DISC1: variants seen among roughly 807,000 people sequenced by gnomAD.
DISC1 encodes disrupted in schizophrenia 1 protein.
Under a neutral mutation model 84.5 loss-of-function variants are expected in DISC1, and 57 were observed. The observed-to-expected ratio is 0.67, with a 90% CI of 0.55 to 0.84. DISC1 has a LOEUF of 0.84. Ranked by LOEUF, DISC1 falls within the 40% of genes least tolerant of loss-of-function variation. DISC1 has a pLI of 0.00. For missense variants in DISC1, 1,000 were observed against 1,057.8 expected (o/e 0.95, Z 0.76); for synonymous variants, 411 against 415.2 (o/e 0.99, Z 0.12).
intron 9 of DISC1, among the ~76,000 whole-genome samples, chr1:231,891,963 G>A (rs2087262795): frequency 6.6e-6 from 1 of 152,080 alleles, no homozygotes; most frequent in Non-Finnish European, 1.5e-5. Context: ...TCCTGAGTCA[G>A]CCGATCAGGT....
intron 8 of DISC1, among the ~76,000 whole-genome samples, chr1:231,805,368 G>A (rs2079619728): frequency 6.6e-6 from 1 of 152,154 alleles, no homozygotes; most frequent in African/African-American, 2.4e-5. Flanking sequence ...TTATGATTCT[G>A]CAAATTGTAC....
At chr1:231,840,758 A>T (rs1338322955) in intron 9 of DISC1, among the ~76,000 whole-genome samples, 1 of 151,410 alleles carries the variant, frequency 6.6e-6, no homozygotes, top group African/African-American at 2.4e-5. Flanking sequence ...CCCAGGCTGG[A>T]GTGCAGTGGC....
chr1:231,670,436 A>G (rs2062498333), intron 1 of DISC1, among the ~76,000 whole-genome samples: 1 of 152,254 alleles, frequency 6.6e-6, no homozygotes, highest in Non-Finnish European at 1.5e-5. Context: ...TTGGGTTGAA[A>G]AGTCTGTGAG....
At chr1:232,027,793 C>CTGTGTG (rs35448234) in intron 12 of DISC1, among the ~76,000 whole-genome samples, 3,331 of 143,392 alleles carry the variant, frequency 0.023, 51 homozygotes, top group African/African-American at 0.029. Context: ...ACTTTATGGG[C>CTGTGTG]TGTGTGTGTG....
chr1:231,679,643 T>G (rs1372241455), intron 1 of DISC1, among the ~76,000 whole-genome samples: 1 of 152,242 alleles, frequency 6.6e-6, no homozygotes, highest in Non-Finnish European at 1.5e-5. Flanking sequence ...AAGATGATTC[T>G]GTAATGGAGA....
intron 10 of DISC1, among the ~76,000 whole-genome samples, chr1:231,980,693 TTTG>T (rs750663195): frequency 9.2e-4 from 140 of 152,342 alleles, no homozygotes; most frequent in Middle Eastern, 3.4e-3. Context: ...TTTCTAACTT[TTTG>T]TTATATGATA....
intron 10 of DISC1, among the ~76,000 whole-genome samples, chr1:231,960,897 C>T (rs935200341): frequency 2.1e-4 from 32 of 152,178 alleles, no homozygotes; most frequent in African/African-American, 7.0e-4. Context: ...TCCCATGATC[C>T]CCTCCTTGGG....
At chr1:231,966,637 T>C (rs1661154758) in intron 10 of DISC1, among the ~76,000 whole-genome samples, 1 of 152,274 alleles carries the variant, frequency 6.6e-6, no homozygotes, top group Non-Finnish European at 1.5e-5. Flanking sequence ...GCATGACTAA[T>C]GTGAACATTT....
At chr1:232,028,117 G>C (rs1669647985) in intron 12 of DISC1, among the ~76,000 whole-genome samples, 1 of 152,144 alleles carries the variant, frequency 6.6e-6, no homozygotes, top group South Asian at 2.1e-4. Flanking sequence ...TACAAACATA[G>C]AATAAGGATG....
At chr1:231,751,552 A>C (rs1301195840) in intron 4 of DISC1, among the ~76,000 whole-genome samples, 3 of 152,188 alleles carry the variant, frequency 2.0e-5, no homozygotes, top group African/African-American at 7.2e-5. Context: ...TTGTGCAATC[A>C]TCACCACCAT....
At chr1:231,722,229 A>G (rs1573242963) in intron 3 of DISC1, among the ~76,000 whole-genome samples, 1 of 151,958 alleles carries the variant, frequency 6.6e-6, no homozygotes, top group East Asian at 1.9e-4. Context: ...TATTGTTGAG[A>G]GAAAGGAAGA....
At chr1:231,632,627 T>C (rs1310841013) in intron 1 of DISC1, among the ~76,000 whole-genome samples, 2 of 152,216 alleles carry the variant, frequency 1.3e-5, no homozygotes, top group Non-Finnish European at 2.9e-5. Context: ...AGCAGAGTGA[T>C]TGTTAGAACC....
intron 2 of DISC1, among the ~76,000 whole-genome samples, chr1:231,696,035 G>C (rs11586191): frequency 0.39 from 58,644 of 151,836 alleles, 11,804 homozygotes; most frequent in African/African-American, 0.5. Flanking sequence ...GTCTTTCCCC[G>C]AAACCCGTTC....
chr1:232,009,007 C>T lies in DISC1; in HGVS notation c.2265C>T (p.His755=). 3 of 1,613,882 alleles carry T rather than the reference C, an allele frequency of 1.9e-6. No individual in the cohort carries two copies. Among genetic ancestry groups the T allele is most frequent in the Non-Finnish European group, 2.5e-6 (3 of 1,179,842 alleles). Residue 755 remains histidine (H), a synonymous_variant, in exon 11 of 13, where the codon CAC becomes CAT. Transcript: ENST00000439617. This position sits in a 1 kb window ranked among gnomAD's most constrained non-coding sequence, Gnocchi z 4.6. ...AGGTATTGGAAGAATGGAAGACTCA[C>T]CTCATCCCCTCTCTGCACTGTGCTG... ...PLKVLEEWKT[H]LIPSLHCAGG... is the part of the protein sequence containing the mutation.
intron 4 of DISC1, among the ~76,000 whole-genome samples, chr1:231,754,526 A>G (rs540092183): frequency 1.3e-5 from 2 of 152,278 alleles, no homozygotes; most frequent in South Asian, 4.1e-4. Context: ...TTAAACATTC[A>G]TGAAAGATCC....
At chr1:231,868,326 GT>G (rs902393595) in intron 9 of DISC1, among the ~76,000 whole-genome samples, 1 of 151,444 alleles carries the variant, frequency 6.6e-6, no homozygotes, top group Non-Finnish European at 1.5e-5. Context: ...CTCTTTCATC[GT>G]TTTCCTTTAT....
At chr1:231,784,653 G>A (rs1356925374) in intron 6 of DISC1, among the ~76,000 whole-genome samples, 1 of 152,148 alleles carries the variant, frequency 6.6e-6, no homozygotes, top group East Asian at 1.9e-4. Flanking sequence ...TTTATGAAAT[G>A]GTCTTTCTAT....
intron 1 of DISC1, among the ~76,000 whole-genome samples, chr1:231,692,014 G>A (rs536333980): frequency 2.0e-5 from 3 of 152,146 alleles, no homozygotes; most frequent in South Asian, 4.1e-4. Context: ...GTCATTTTAC[G>A]CATTTTACGC....
In DISC1 at chr1:232,031,176, G is replaced by A. The variant is rs974829208; in HGVS notation, c.2425+4624G>A. Among the ~76,000 whole-genome samples, 19 of 130,956 alleles carry A rather than the reference G, an allele frequency of 1.5e-4. No individual in the cohort carries two copies. Among genetic ancestry groups the A allele is most frequent in the Non-Finnish European group, 3.0e-4 (18 of 59,680 alleles). The allele number at this position is 130,956 out of a possible 152,430, so 85.9% of individuals were successfully genotyped here. A position where few individuals can be genotyped will look rare whatever the true frequency, so the allele number is the denominator to read the frequency against. Reference sequence around the variant, plus strand: ...GAGAGAGAGAGAGAACAGGAAGGAAGGAAGGGAGAAAGGAGAGACAGAGAG... The same window carrying A: ...GAGAGAGAGAGAGAACAGGAAGGAAAGAAGGGAGAAAGGAGAGACAGAGAG... On this transcript the variant is annotated intron_variant, in intron 12 of 12. Coordinates refer to ENST00000439617, the MANE Select transcript of DISC1 (RefSeq NM_018662.3). This position sits in a 1 kb window ranked among gnomAD's most constrained non-coding sequence, Gnocchi z 4.6.
Sources: gnomAD v4.1 joint callset for allele counts (sites outside exome capture counted in the v4.1 genomes callset) on GRCh38, gnomAD v4.1.1 for gene constraint, Gnocchi (gnomAD v3.1) non-coding constraint, MANE v1.5 for transcripts, NCBI Gene and HGNC (gene_info 2026-07-23, HGNC 2026-07-21) for gene names.